The following SLC25A13 variants were observed in gnomAD, a reference collection of about 807,000 sequenced individuals.
The protein encoded by SLC25A13 is solute carrier family 25 member 13, also known as electrogenic aspartate/glutamate antiporter SLC25A13, mitochondrial.
SLC25A13 carries 70 observed loss-of-function variants against 85.5 expected under a neutral mutation model. The observed-to-expected ratio is 0.82, with a 90% CI of 0.68 to 1.00. SLC25A13 has a LOEUF of 1.00. SLC25A13 is among the 50% of genes least tolerant of loss of function. The pLI, the probability that SLC25A13 is intolerant of heterozygous loss-of-function variation, is 0.00. For synonymous variants in SLC25A13, 259 were observed against 288.7 expected (o/e 0.90, Z 1.04); for missense variants, 765 against 819.8 (o/e 0.93, Z 0.82).
intron 3 of SLC25A13, among the ~76,000 whole-genome samples, chr7:96,239,139 T>C (rs1796867793): frequency 1.3e-5 from 2 of 148,230 alleles, no homozygotes; most frequent in Non-Finnish European, 3.0e-5. Flanking sequence ...CAATAAATAC[T>C]CTGGTATTTC....
In SLC25A13 at chr7:96,250,461, A is replaced by T. The variant is rs1273053442; in HGVS notation, c.213-15544T>A. On this transcript the variant is annotated intron_variant, in intron 3 of 17. Transcript: ENST00000265631. The stretch of plus-strand genomic sequence containing the variant: ...GGCAGTTAACTTACCAGACCATAAG[A>T]CATAAATGAGCGAGGACATGCCGAA... Among the ~76,000 whole-genome samples, 3 of 152,346 alleles carry T rather than the reference A, an allele frequency of 2.0e-5. No homozygotes were observed. In the East Asian group the frequency reaches 5.8e-4, roughly 29 times the overall value.
intron 1 of SLC25A13, among the ~76,000 whole-genome samples, chr7:96,319,869 A>C (rs1800272822): frequency 6.6e-6 from 1 of 152,240 alleles, no homozygotes; most frequent in Non-Finnish European, 1.5e-5. Context: ...AGTAGTAAAA[A>C]TGAACATTTC....
At chr7:96,306,545 C>T (rs878970286) in intron 1 of SLC25A13, among the ~76,000 whole-genome samples, 8 of 147,540 alleles carry the variant, frequency 5.4e-5, no homozygotes, top group Non-Finnish European at 9.0e-5. Context: ...TGTTCTCCTA[C>T]GATGGGAGTA....
chr7:96,264,763 G>C (rs1227440521), intron 3 of SLC25A13, among the ~76,000 whole-genome samples: 2 of 151,664 alleles, frequency 1.3e-5, no homozygotes, highest in Non-Finnish European at 2.9e-5. Context: ...TAGCCAGGCT[G>C]GTCTCAAACT....
At chr7:96,293,577 T>A (rs993118811) in intron 2 of SLC25A13, among the ~76,000 whole-genome samples, 2 of 151,946 alleles carry the variant, frequency 1.3e-5, no homozygotes, top group Non-Finnish European at 2.9e-5. Context: ...TCAGCCAAAC[T>A]CACAAGAAAA....
At chr7:96,256,967 T>G (rs1412002324) in intron 3 of SLC25A13, among the ~76,000 whole-genome samples, 1 of 152,170 alleles carries the variant, frequency 6.6e-6, no homozygotes, top group Non-Finnish European at 1.5e-5. Context: ...GAATGACTAC[T>G]GGGTAAATAA....
At chr7:96,153,766 G>C (rs1447661795) in intron 13 of SLC25A13, among the ~76,000 whole-genome samples, 1 of 152,178 alleles carries the variant, frequency 6.6e-6, no homozygotes, top group Admixed American at 6.5e-5. Context: ...TTTTTCAAAA[G>C]GGGACCCGAC....
intron 3 of SLC25A13, among the ~76,000 whole-genome samples, chr7:96,267,268 T>C (rs954863021): frequency 3.3e-5 from 5 of 152,184 alleles, no homozygotes; most frequent in Admixed American, 2.0e-4. Flanking sequence ...AAAACAGGTA[T>C]ATAAAAATGA....
chr7:96,144,146 CTG>C (rs766538453), intron 14 of SLC25A13, among the ~76,000 whole-genome samples: 23 of 152,288 alleles, frequency 1.5e-4, no homozygotes, highest in Non-Finnish European at 1.9e-4. Flanking sequence ...TCTTAACCTG[CTG>C]TGATGTCTGA....
chr7:96,178,636 C>G (rs139508692), intron 11 of SLC25A13, among the ~76,000 whole-genome samples: 1 of 152,102 alleles, frequency 6.6e-6, no homozygotes, highest in Non-Finnish European at 1.5e-5. Context: ...CTATCTTCCC[C>G]GAGAAACCCC....
intron 5 of SLC25A13, among the ~76,000 whole-genome samples, chr7:96,205,224 C>A (rs1398319248): frequency 1.3e-5 from 2 of 152,124 alleles, no homozygotes; most frequent in East Asian, 3.9e-4. Context: ...TACTATTTAT[C>A]AATTACAGTT....
At chr7:96,279,252 G>T (rs1798573640) in intron 2 of SLC25A13, among the ~76,000 whole-genome samples, 1 of 152,060 alleles carries the variant, frequency 6.6e-6, no homozygotes, top group African/African-American at 2.4e-5. Context: ...TTTCCAGTTT[G>T]ATATTTTTAT....
chr7:96,196,037 T>C (rs1355206096), intron 5 of SLC25A13, among the ~76,000 whole-genome samples: 1 of 152,208 alleles, frequency 6.6e-6, no homozygotes, highest in Non-Finnish European at 1.5e-5. Context: ...CAGAATGCTT[T>C]AGATGTATAG....
At chr7:96,184,580 A>G (rs1562823566) in intron 10 of SLC25A13, 145 bp from the exon 11 acceptor site, 1 of 743,898 alleles carries the variant, frequency 1.3e-6, no homozygotes, top group Non-Finnish European at 2.2e-6. Flanking sequence ...TACCTTTCTT[A>G]TATCTTTAAT....
intron 13 of SLC25A13, among the ~76,000 whole-genome samples, chr7:96,164,888 T>C (rs1416681853): frequency 1.3e-5 from 2 of 152,174 alleles, no homozygotes; most frequent in Non-Finnish European, 2.9e-5. Context: ...TAAGTATGGC[T>C]TGGAGAGACA....
chr7:96,311,694 G>A (rs1799957574), intron 1 of SLC25A13, among the ~76,000 whole-genome samples: 1 of 152,008 alleles, frequency 6.6e-6, no homozygotes, highest in Non-Finnish European at 1.5e-5. Flanking sequence ...TTCAAGAAAT[G>A]GGAAAATAGA....
At chr7:96,229,086 G>A (rs1796429074) in intron 4 of SLC25A13, among the ~76,000 whole-genome samples, 1 of 152,240 alleles carries the variant, frequency 6.6e-6, no homozygotes, top group African/African-American at 2.4e-5. Flanking sequence ...CAAGGGCTGA[G>A]GAGTGCAGGC....
At chr7:96,192,375 A>G (rs1454673334) in intron 6 of SLC25A13, among the ~76,000 whole-genome samples, 1 of 152,200 alleles carries the variant, frequency 6.6e-6, no homozygotes, top group African/African-American at 2.4e-5. Context: ...CTCATCGCCT[A>G]TAGATGGTGT....
intron 11 of SLC25A13, among the ~76,000 whole-genome samples, chr7:96,175,108 G>C (rs1189433986): frequency 6.6e-6 from 1 of 152,180 alleles, no homozygotes; most frequent in African/African-American, 2.4e-5. Flanking sequence ...AGGACTATGA[G>C]AACCCAGTGG....
Sources: gnomAD v4.1 joint callset for allele counts (sites outside exome capture counted in the v4.1 genomes callset) on GRCh38, gnomAD v4.1.1 for gene constraint, MANE v1.5 for transcripts, NCBI Gene and HGNC (gene_info 2026-07-23, HGNC 2026-07-21) for gene names.